The following LGSN variants were observed in gnomAD, a reference collection of about 807,000 sequenced individuals.
The protein encoded by LGSN is lengsin.
Under a neutral mutation model 19.5 loss-of-function variants are expected in LGSN, and 21 were observed. The observed-to-expected ratio is 1.07, with a 90% CI of 0.76 to 1.55. The LOEUF (loss-of-function observed/expected upper bound fraction) is 1.55. LGSN is among the 40% of genes most tolerant of loss of function. LGSN has a pLI of 0.00. For synonymous variants in LGSN, 257 were observed against 215.6 expected (o/e 1.19, Z -1.68); for missense variants, 673 against 608.5 (o/e 1.11, Z -1.12).
At chr6:63,311,897 T>C (rs75617894) in intron 1 of LGSN, among the ~76,000 whole-genome samples, 5,485 of 152,204 alleles carry the variant, frequency 0.036, 337 homozygotes, top group African/African-American at 0.13. Flanking sequence ...CCCAATCCCT[T>C]CACCACCCAC....
chr6:63,535,294 G>T, the LGSN span, among the ~76,000 whole-genome samples: 150 of 152,000 alleles, frequency 9.9e-4, 3 homozygotes, highest in South Asian at 0.029. Flanking sequence ...GTGAAACCCC[G>T]TTTCTACTAA....
chr6:63,443,495 C>CG, the LGSN span: 1 of 423,624 alleles, frequency 2.4e-6, no homozygotes. Flanking sequence ...TCACCTCTCA[C>CG]CTTTGCACCA....
At chr6:63,385,020 C>A in the LGSN span, among the ~76,000 whole-genome samples, 1 of 152,106 alleles carries the variant, frequency 6.6e-6, no homozygotes, top group Non-Finnish European at 1.5e-5. Flanking sequence ...AAAAAACAAA[C>A]CTGTGAATCT....
At chr6:63,406,830 A>T in the LGSN span, among the ~76,000 whole-genome samples, 1 of 147,538 alleles carries the variant, frequency 6.8e-6, no homozygotes, top group Non-Finnish European at 1.5e-5. Flanking sequence ...ACGCAATAAA[A>T]AATGATAAAG....
the LGSN span, chr6:63,572,607 G>A: frequency 2.4e-6 from 1 of 418,896 alleles, no homozygotes; most frequent in South Asian, 1.1e-4. Flanking sequence ...CCGCCGCTCC[G>A]CCACGACCAC....
the LGSN span, among the ~76,000 whole-genome samples, chr6:63,524,945 A>C: frequency 6.6e-6 from 1 of 152,212 alleles, no homozygotes; most frequent in Non-Finnish European, 1.5e-5. Flanking sequence ...TTTATGAAAA[A>C]ACTTAAGAAA....
chr6:63,532,298 A>T, the LGSN span, among the ~76,000 whole-genome samples: 2 of 152,190 alleles, frequency 1.3e-5, no homozygotes, highest in Non-Finnish European at 2.9e-5. Context: ...AAATTTTGGT[A>T]AATCTCTATT....
the LGSN span, among the ~76,000 whole-genome samples, chr6:63,412,529 G>GAAGGAAA: frequency 0.024 from 786 of 32,262 alleles, 15 homozygotes; most frequent in East Asian, 0.035. Flanking sequence ...AAAGAAAGAA[G>GAAGGAAA]GAAAGAAAGA....
chr6:63,507,353 C>T, the LGSN span, among the ~76,000 whole-genome samples: 733 of 152,258 alleles, frequency 4.8e-3, no homozygotes, highest in Middle Eastern at 0.014. Flanking sequence ...ATTGGTGCTA[C>T]AGAGACAGAT....
intron 2 of LGSN, among the ~76,000 whole-genome samples, chr6:63,291,665 G>A (rs2127386596): frequency 6.6e-6 from 1 of 152,288 alleles, no homozygotes; most frequent in East Asian, 1.9e-4. Flanking sequence ...AGAAATGTCT[G>A]TTCCTATTCA....
the LGSN span, among the ~76,000 whole-genome samples, chr6:63,431,819 C>T: frequency 6.6e-6 from 1 of 151,672 alleles, no homozygotes; most frequent in African/African-American, 2.4e-5. Context: ...GTAATCCCAA[C>T]ACTTTGGGAG....
chr6:63,515,975 T>A, the LGSN span, among the ~76,000 whole-genome samples: 22 of 152,240 alleles, frequency 1.4e-4, no homozygotes, highest in African/African-American at 5.3e-4. Context: ...CTATCATTTA[T>A]CTTGAAAAAT....
chr6:63,548,628 C>T, the LGSN span: 6 of 383,770 alleles, frequency 1.6e-5, no homozygotes, highest in Admixed American at 3.8e-5. Flanking sequence ...TTAATGTAAA[C>T]ACAACCCTGA....
the LGSN span, among the ~76,000 whole-genome samples, chr6:63,570,641 T>C: frequency 6.6e-6 from 1 of 152,238 alleles, no homozygotes; most frequent in Non-Finnish European, 1.5e-5. Context: ...TGAGTTTATA[T>C]CTTGTCCCAC....
chr6:63,529,137 G>GTGTGTA, the LGSN span, among the ~76,000 whole-genome samples: 1 of 136,794 alleles, frequency 7.3e-6, no homozygotes, highest in Non-Finnish European at 1.6e-5. Flanking sequence ...ATATGTGTGT[G>GTGTGTA]TATATATATA....
the LGSN span, among the ~76,000 whole-genome samples, chr6:63,498,885 T>C: frequency 6.6e-6 from 1 of 152,084 alleles, no homozygotes; most frequent in Non-Finnish European, 1.5e-5. Context: ...GCAAACCCGA[T>C]GGTGGAAGTA....
chr6:63,542,245 G>A, the LGSN span, among the ~76,000 whole-genome samples: 1 of 152,060 alleles, frequency 6.6e-6, no homozygotes, highest in Non-Finnish European at 1.5e-5. Context: ...GCATAGGAAT[G>A]ACACAATGGA....
chr6:63,377,836 C>G, the LGSN span, among the ~76,000 whole-genome samples: 3 of 149,908 alleles, frequency 2.0e-5, no homozygotes, highest in Non-Finnish European at 4.4e-5. Flanking sequence ...ATCGCTTGAA[C>G]CCGGGAGGTG....
At chr6:63,504,719 C>T in the LGSN span, among the ~76,000 whole-genome samples, 5 of 152,218 alleles carry the variant, frequency 3.3e-5, no homozygotes, top group African/African-American at 1.2e-4. Flanking sequence ...GCTGGGATTA[C>T]AGGTGTGAGC....
Sources: gnomAD v4.1 joint callset for allele counts (sites outside exome capture counted in the v4.1 genomes callset) on GRCh38, gnomAD v4.1.1 for gene constraint, MANE v1.5 for transcripts, NCBI Gene and HGNC (gene_info 2026-07-23, HGNC 2026-07-21) for gene names.